Variants in RBMS3 observed in about 807,000 individuals in gnomAD.
The protein encoded by RBMS3 is RNA-binding motif, single-stranded-interacting protein 3.
A neutral mutation model predicts 66.8 loss-of-function variants in RBMS3; 27 were observed. That is an observed-to-expected ratio of 0.40 (90% CI 0.30 to 0.56). The LOEUF is 0.56. RBMS3 is among the 20% of genes least tolerant of loss of function. RBMS3 has a pLI of 0.40. For missense variants in RBMS3, 513 were observed against 549.5 expected, an observed-to-expected ratio of 0.93 and a Z score of 0.66; for synonymous variants, 188 against 183.0, an observed-to-expected ratio of 1.03 and a Z score of -0.22.
At chr3:29,534,800 C>T (rs1176137237) in intron 3 of RBMS3, among the ~76,000 whole-genome samples, 1 of 152,184 alleles carries the variant, frequency 6.6e-6, no homozygotes. Flanking sequence ...GCATAGCTGA[C>T]ATATTATCCA....
rs200924760 is a variant in RBMS3, at chr3:29,482,616, AGTT to A, written c.249-5821_249-5819del. Among the ~76,000 whole-genome samples, 970 of 151,804 alleles carry A rather than the reference AGTT, an allele frequency of 6.4e-3. 5 individuals are homozygous for A. The highest frequency in any genetic ancestry group is 0.021 in the African/African-American group (878 of 41,436). Reference sequence around the variant, plus strand: ...TCAAAACAGCTATACTTGAGTTGTAAGTTGTTACTATATTGGCTAAATGAGGAA... The same window carrying A: ...TCAAAACAGCTATACTTGAGTTGTAAGTTACTATATTGGCTAAATGAGGAA... On this transcript the variant is annotated intron_variant, in intron 2 of 14. Transcript: ENST00000383767.
chr3:29,681,591 G>A (rs555869449), intron 4 of RBMS3, among the ~76,000 whole-genome samples: 16 of 150,408 alleles, frequency 1.1e-4, no homozygotes, highest in Non-Finnish European at 2.1e-4. Context: ...ACTTGTAAGT[G>A]AGAACACACA....
At chr3:29,397,437 C>T (rs1244049720) in intron 1 of RBMS3, among the ~76,000 whole-genome samples, 1 of 152,092 alleles carries the variant, frequency 6.6e-6, no homozygotes. Context: ...GGTCCGATCC[C>T]CCAAATTGGC....
chr3:29,981,509 G>A (rs571140882), intron 12 of RBMS3, among the ~76,000 whole-genome samples: 1 of 152,224 alleles, frequency 6.6e-6, no homozygotes, highest in African/African-American at 2.4e-5. Flanking sequence ...TCTTGTGCTT[G>A]TTTTCAAAGG....
intron 1 of RBMS3, among the ~76,000 whole-genome samples, chr3:29,381,357 A>T (rs546336758): frequency 6.6e-6 from 1 of 152,318 alleles, no homozygotes; most frequent in South Asian, 2.1e-4. Flanking sequence ...CATAGTGTTA[A>T]ATGGACCAAT....
rs1470081349 is a variant in RBMS3, at chr3:29,458,662, T to G, written c.248+23747T>G. 3.9e-5 allele frequency among the ~76,000 whole-genome samples: 6 copies of G among 152,200 alleles called. No individual in the cohort carries two copies. The East Asian group carries it at 1.2e-3, about 29-fold the overall frequency. ...TTGGGTTTATTCCAAATATTTTCAA[T>G]CTATGGTTGATTAAATACAGGGATG... On this transcript the variant is annotated intron_variant, in intron 2 of 14. Transcript: ENST00000383767.
intron 1 of RBMS3, among the ~76,000 whole-genome samples, chr3:29,335,647 A>G (rs1398627142): frequency 6.6e-6 from 1 of 152,176 alleles, no homozygotes; most frequent in East Asian, 1.9e-4. Context: ...AGAAACTCGT[A>G]ACTCTGGGAC....
chr3:29,585,046 C>T (rs2047464302), intron 3 of RBMS3, among the ~76,000 whole-genome samples: 1 of 152,094 alleles, frequency 6.6e-6, no homozygotes, highest in Admixed American at 6.6e-5. Flanking sequence ...GTTATTTGTT[C>T]TTATCCATCT....
intron 1 of RBMS3, among the ~76,000 whole-genome samples, chr3:29,341,214 A>C (rs1426960111): frequency 3.3e-5 from 5 of 152,166 alleles, no homozygotes; most frequent in African/African-American, 1.2e-4. Context: ...TTAAGTAATG[A>C]AACTGACAAG....
At chr3:29,559,835 A>G (rs1363338682) in intron 3 of RBMS3, among the ~76,000 whole-genome samples, 2 of 152,176 alleles carry the variant, frequency 1.3e-5, no homozygotes, top group Non-Finnish European at 2.9e-5. Flanking sequence ...GAACCTAAAT[A>G]AAGAGCTTTC....
chr3:29,661,205 A>C (rs1004377652), intron 4 of RBMS3, among the ~76,000 whole-genome samples: 1 of 152,210 alleles, frequency 6.6e-6, no homozygotes, highest in African/African-American at 2.4e-5. Flanking sequence ...TCAGAGTTAC[A>C]AAAGAGTTGT....
intron 6 of RBMS3, among the ~76,000 whole-genome samples, chr3:29,786,505 C>T (rs894353953): frequency 2.0e-5 from 3 of 152,018 alleles, no homozygotes; most frequent in Non-Finnish European, 4.4e-5. Flanking sequence ...GCGCATAGAC[C>T]AATGGAACAG....
At position 29,790,312 on chromosome 3, in the gene RBMS3, C is replaced by T. The variant is rs188115208; in HGVS notation, c.637+27323C>T. Among the ~76,000 whole-genome samples the T allele has an allele frequency of 2.7e-3, 415 of 152,202 alleles. 2 individuals carry two copies. Among genetic ancestry groups the T allele is most frequent in the African/African-American group, 8.9e-3 (369 of 41,540 alleles). On this transcript the variant is annotated intron_variant, in intron 6 of 14. Transcript: ENST00000383767. Reference sequence around the variant, plus strand: ...AAGGTTAAATCTCATATTTAGCGCTCACATGATATCACTCAATTTTGTGAG... The same window carrying T: ...AAGGTTAAATCTCATATTTAGCGCTTACATGATATCACTCAATTTTGTGAG...
intron 1 of RBMS3, among the ~76,000 whole-genome samples, chr3:29,374,652 A>G (rs2038374154): frequency 6.6e-6 from 1 of 152,206 alleles, no homozygotes; most frequent in Non-Finnish European, 1.5e-5. Flanking sequence ...CTAAGCTATG[A>G]TGTTTGGTAG....
chr3:29,544,989 T>G (rs2045899984), intron 3 of RBMS3, among the ~76,000 whole-genome samples: 1 of 152,140 alleles, frequency 6.6e-6, no homozygotes, highest in Non-Finnish European at 1.5e-5. Context: ...CAATCTCACT[T>G]CTAGTAACTT....
At chr3:29,670,875 C>T (rs998275982) in intron 4 of RBMS3, among the ~76,000 whole-genome samples, 4 of 152,168 alleles carry the variant, frequency 2.6e-5, no homozygotes, top group African/African-American at 4.8e-5. Context: ...CTTAAACGCC[C>T]CTGTCTGACA....
chr3:29,390,514 T>A (rs2039240331), intron 1 of RBMS3, among the ~76,000 whole-genome samples: 1 of 152,066 alleles, frequency 6.6e-6, no homozygotes, highest in Non-Finnish European at 1.5e-5. Flanking sequence ...AATTAGACTC[T>A]GCTTCTACTG....
chr3:29,580,413 A>C (rs1236903265), intron 3 of RBMS3, among the ~76,000 whole-genome samples: 2 of 152,152 alleles, frequency 1.3e-5, no homozygotes, highest in Non-Finnish European at 2.9e-5. Flanking sequence ...CACTTACTGA[A>C]TGGAACCTGG....
intron 5 of RBMS3, among the ~76,000 whole-genome samples, chr3:29,756,170 C>T (rs975104349): frequency 2.0e-5 from 3 of 152,048 alleles, no homozygotes; most frequent in African/African-American, 7.2e-5. Flanking sequence ...ACATCAAATA[C>T]CTTATTTTTG....
Sources: allele counts gnomAD v4.1 joint callset (sites outside exome capture counted in the v4.1 genomes callset), GRCh38; gene constraint gnomAD v4.1.1; transcripts MANE v1.5; gene names NCBI Gene and HGNC (gene_info 2026-07-23, HGNC 2026-07-21).